The following AFAP1 variants were observed in gnomAD, a reference collection of about 807,000 sequenced individuals.
The protein encoded by AFAP1 is actin filament associated protein 1, also known as actin filament-associated protein 1.
A neutral mutation model predicts 93.9 loss-of-function variants in AFAP1; 75 were observed. That is an observed-to-expected ratio of 0.80 (90% CI 0.66 to 0.97). The LOEUF (loss-of-function observed/expected upper bound fraction) is 0.97, where lower values mean the gene tolerates loss of function less well. AFAP1 is among the 50% of genes least tolerant of loss of function. The pLI, the probability that AFAP1 is intolerant of heterozygous loss-of-function variation, is 0.00. For synonymous variants in AFAP1, 517 were observed against 430.7 expected, an observed-to-expected ratio of 1.20 and a Z score of -2.48; for missense variants, 1,201 against 1,050.8, an observed-to-expected ratio of 1.14 and a Z score of -1.98.
chr4:7,763,606 G>A lies in AFAP1; in HGVS notation c.*159C>T, dbSNP rs1468637894. The A allele has an allele frequency of 2.8e-6, 2 of 702,506 alleles. No homozygotes were observed. Among genetic ancestry groups the A allele is most frequent in the Non-Finnish European group, 4.6e-6 (2 of 435,266 alleles). The allele number at this position is 702,506 out of a possible 1,614,324, so 43.5% of individuals were successfully genotyped here. ...CCATTTTACAGTAGAAAGAATACAAGTGGGCCTGGGGGACAGGCACTGGCC... is the reference window on the plus strand; with the variant it reads ...CCATTTTACAGTAGAAAGAATACAAATGGGCCTGGGGGACAGGCACTGGCC... On this transcript the variant is annotated 3_prime_UTR_variant, in exon 18 of 18. Coordinates refer to ENST00000420658, the MANE Select transcript of AFAP1 (RefSeq NM_001134647.2).
At chr4:7,830,879 G>A (rs571050569) in intron 6 of AFAP1, among the ~76,000 whole-genome samples, 5 of 152,286 alleles carry the variant, frequency 3.3e-5, no homozygotes, top group Non-Finnish European at 5.9e-5. Context: ...AAAGCACTGG[G>A]ATTACAGAAG....
intron 1 of AFAP1, among the ~76,000 whole-genome samples, chr4:7,909,825 C>T (rs557529052): frequency 1.6e-4 from 25 of 152,278 alleles, no homozygotes; most frequent in African/African-American, 6.0e-4. Flanking sequence ...CTGGAGTCAG[C>T]ATGCATGCTT....
At chr4:7,829,064 A>C (rs55851047) in intron 6 of AFAP1, among the ~76,000 whole-genome samples, 19,812 of 152,146 alleles carry the variant, frequency 0.13, 1,478 homozygotes, top group East Asian at 0.26. Flanking sequence ...TTTGCTCCGC[A>C]CTTCTCTCCT....
In AFAP1 at chr4:7,768,928, C is replaced by T. The variant is rs754496360; in HGVS notation, c.2334G>A (p.Pro778=). 5.8e-5 allele frequency: 93 copies of T among 1,613,688 alleles called. No individual in the cohort carries two copies. The African/African-American group carries it at 6.3e-4, about 11-fold the overall frequency. ...TCTTCAAGACGGCCGCGCTGTTCAC[C>T]GGCACGGGGCCCTCGGTGTCACTGG... ...CDTSDTEGPV[P]VNSAAVLKKS... is the part of the protein sequence containing the mutation. Residue 778 remains proline, a synonymous_variant, in exon 17 of 18, where the codon CCG becomes CCA. Coordinates refer to ENST00000420658, the MANE Select transcript of AFAP1 (RefSeq NM_001134647.2).
Position 7,793,800 on chromosome 4 carries a change from C to T in AFAP1, c.1293G>A (p.Arg431=). 1.9e-6 allele frequency: 3 copies of T among 1,558,384 alleles called. No individual in the cohort carries two copies. The South Asian group carries it at 3.5e-5, about 18-fold the overall frequency. ...LEASSSEDMG[R]WIGILLAETG... is the part of the protein sequence containing the mutation. ...TCTCTGCGAGTAAAATCCCAATCCA[C>T]CTGCCCATGTCTTCAGAAGAAGATG... is the stretch of plus-strand genomic sequence containing the variant. The change falls in exon 11 of 18, where the codon AGG becomes AGA. Residue 431 remains arginine (R), a synonymous_variant. Coordinates refer to ENST00000420658, the MANE Select transcript of AFAP1 (RefSeq NM_001134647.2).
In AFAP1 at chr4:7,809,768, C is replaced by T. The variant is rs767229288; in HGVS notation, c.905-5G>A. The stretch of plus-strand genomic sequence containing the variant: ...TGGAACTTTTCTTCCTCTTCACTGT[C>T]AAGAGTAACAACAGCAAAAAAGCAT... On this transcript the variant is annotated splice_polypyrimidine_tract_variant and splice_region_variant and intron_variant, in intron 8 of 17. Coordinates refer to ENST00000420658, the MANE Select transcript of AFAP1 (RefSeq NM_001134647.2). The T allele has an allele frequency of 6.2e-7, 1 of 1,608,250 alleles. No homozygotes were observed. Among genetic ancestry groups the T allele is most frequent in the South Asian group, 1.1e-5 (1 of 89,300 alleles).
intron 8 of AFAP1, among the ~76,000 whole-genome samples, chr4:7,811,262 G>A (rs936455483): frequency 2.4e-5 from 3 of 122,542 alleles, no homozygotes; most frequent in Admixed American, 1.8e-4. Context: ...CGCTGGCTGC[G>A]GAGATCACAG....
chr4:7,873,341 C>CTTTTT (rs1717228775), intron 1 of AFAP1, among the ~76,000 whole-genome samples: 2 of 101,534 alleles, frequency 2.0e-5, no homozygotes, highest in African/African-American at 7.5e-5. Flanking sequence ...TGAAGACACA[C>CTTTTT]CTTTTTTTTT....
At chr4:7,887,976 G>A (rs756730755) in intron 1 of AFAP1, among the ~76,000 whole-genome samples, 5 of 152,044 alleles carry the variant, frequency 3.3e-5, no homozygotes, top group Admixed American at 6.5e-5. Context: ...ACAGGCACGC[G>A]CCACCACGCC....
intron 12 of AFAP1, among the ~76,000 whole-genome samples, chr4:7,785,239 GC>G (rs1250511975): frequency 6.6e-6 from 1 of 151,914 alleles, no homozygotes; most frequent in Non-Finnish European, 1.5e-5. Flanking sequence ...GATGAGGCCT[GC>G]TGATTACACG....
Position 7,858,082 on chromosome 4 carries a change from A to G in AFAP1, c.226-2508T>C, listed in dbSNP as rs533924760. Among the ~76,000 whole-genome samples, 7 of 152,372 alleles carry G rather than the reference A, an allele frequency of 4.6e-5. No individual in the cohort carries two copies. In the East Asian group the frequency reaches 1.2e-3, roughly 25 times the overall value. ...GAGAAGAATGCTCAGATGTACTGCT[A>G]CATCCACAGACAAACATTTAAAAGG... is the stretch of plus-strand genomic sequence containing the variant. On this transcript the variant is annotated intron_variant, in intron 3 of 17. Coordinates refer to ENST00000420658, the MANE Select transcript of AFAP1 (RefSeq NM_001134647.2).
At chr4:7,907,961 C>G (rs1719513918) in intron 1 of AFAP1, among the ~76,000 whole-genome samples, 1 of 152,168 alleles carries the variant, frequency 6.6e-6, no homozygotes, top group Non-Finnish European at 1.5e-5. Flanking sequence ...CCTATAATCC[C>G]AGAACTCTGG....
chr4:7,832,712 C>A (rs952660562), intron 6 of AFAP1, among the ~76,000 whole-genome samples: 8 of 146,724 alleles, frequency 5.5e-5, no homozygotes, highest in Non-Finnish European at 1.2e-4. Flanking sequence ...CAGGACTAAG[C>A]AAAAAGAACA....
At chr4:7,858,054 CAA>C (rs1715271974) in intron 3 of AFAP1, among the ~76,000 whole-genome samples, 1 of 152,182 alleles carries the variant, frequency 6.6e-6, no homozygotes, top group Admixed American at 6.5e-5. Flanking sequence ...TCTAAATTTT[CAA>C]GAGAAGAATG....
intron 5 of AFAP1, chr4:7,842,862 G>T: frequency 2.5e-6 from 1 of 396,184 alleles, no homozygotes; most frequent in Non-Finnish European, 4.6e-6. Flanking sequence ...TTCCACAGAC[G>T]CAAACCACAG....
intron 17 of AFAP1, among the ~76,000 whole-genome samples, chr4:7,768,359 G>A (rs928001677): frequency 2.0e-5 from 3 of 152,264 alleles, no homozygotes; most frequent in African/African-American, 7.2e-5. Flanking sequence ...TGCCCCAGGA[G>A]GGAGTAAACA....
At position 7,834,662 on chromosome 4, in the gene AFAP1, G is replaced by C. The variant is rs185412786; in HGVS notation, c.726+3862C>G. ...GAAGGGAAGCCTGGTGGCTGGGACT[G>C]CCTTGCTACCCCAAGGGGGCAGCTG... On this transcript the variant is annotated intron_variant, in intron 6 of 17. Coordinates refer to ENST00000420658, the MANE Select transcript of AFAP1 (RefSeq NM_001134647.2). Among the ~76,000 whole-genome samples, 514 of 152,378 alleles carry C rather than the reference G, an allele frequency of 3.4e-3. 3 individuals are homozygous for C. The highest frequency in any genetic ancestry group is 0.012 in the African/African-American group (489 of 41,598).
chr4:7,909,151 A>G (rs1317381615), intron 1 of AFAP1, among the ~76,000 whole-genome samples: 1 of 152,218 alleles, frequency 6.6e-6, no homozygotes, highest in Non-Finnish European at 1.5e-5. Flanking sequence ...TGGTGTCATA[A>G]TAACTTTACT....
chr4:7,815,679 C>T (rs766511430), intron 8 of AFAP1, among the ~76,000 whole-genome samples: 2 of 152,096 alleles, frequency 1.3e-5, no homozygotes, highest in Non-Finnish European at 2.9e-5. Flanking sequence ...AGCAACATGC[C>T]GGCTGCTCAC....
Sources: allele counts gnomAD v4.1 joint callset (sites outside exome capture counted in the v4.1 genomes callset), GRCh38; gene constraint gnomAD v4.1.1; transcripts MANE v1.5; gene names NCBI Gene and HGNC (gene_info 2026-07-23, HGNC 2026-07-21).